BBX: variants seen among roughly 807,000 people sequenced by gnomAD.
BBX encodes the protein BBX high mobility group box domain containing.
BBX carries 30 observed loss-of-function variants against 100.2 expected under a neutral mutation model. That is an observed-to-expected ratio of 0.30 (90% CI 0.22 to 0.41). The LOEUF (loss-of-function observed/expected upper bound fraction) is 0.41. Ranked by LOEUF, BBX falls within the 10% of genes least tolerant of loss-of-function variation. BBX has a pLI of 1.00. For synonymous variants in BBX, 376 were observed against 388.1 expected, an observed-to-expected ratio of 0.97 and a Z score of 0.37; for missense variants, 1,023 against 1,129.8, an observed-to-expected ratio of 0.91 and a Z score of 1.35.
chr3:107,523,928 G>T (rs1208074906), intron 1 of BBX, among the ~76,000 whole-genome samples: 2 of 148,710 alleles, frequency 1.3e-5, no homozygotes, highest in Non-Finnish European at 3.0e-5. Flanking sequence ...CCTGGAGGAA[G>T]AATAGGGGGA....
chr3:107,763,477 C>G (rs148246330), intron 10 of BBX, among the ~76,000 whole-genome samples: 1 of 152,244 alleles, frequency 6.6e-6, no homozygotes, highest in East Asian at 1.9e-4. Context: ...TAAAATACAT[C>G]TGATTCAGAA....
intron 2 of BBX, among the ~76,000 whole-genome samples, chr3:107,598,023 A>G (rs2053785368): frequency 6.6e-6 from 1 of 152,154 alleles, no homozygotes; most frequent in South Asian, 2.1e-4. Context: ...GGTCAGTTTT[A>G]GGAGAGGGTA....
intron 3 of BBX, among the ~76,000 whole-genome samples, chr3:107,670,123 A>G (rs1041608126): frequency 6.6e-6 from 1 of 152,166 alleles, no homozygotes; most frequent in African/African-American, 2.4e-5. Context: ...TCTTATTCAC[A>G]GCATTTGAGG....
rs192766488 is a variant in BBX, at chr3:107,579,591, A to G, written c.-84+53193A>G. On this transcript the variant is annotated intron_variant, in intron 2 of 17. Coordinates refer to ENST00000325805, the MANE Select transcript of BBX (RefSeq NM_001142568.3). ...GAGAGCCTGGCGGGTCTTTTCACAC[A>G]GATGTTGATGGATGCTTTGCAGTCC... is the stretch of plus-strand genomic sequence containing the variant. 1.1e-4 allele frequency among the ~76,000 whole-genome samples: 17 copies of G among 152,338 alleles called. No individual in the cohort carries two copies. The East Asian group carries it at 3.3e-3, about 29-fold the overall frequency.
At chr3:107,709,692 GGT>G (rs1322998629) in intron 3 of BBX, among the ~76,000 whole-genome samples, 2 of 152,320 alleles carry the variant, frequency 1.3e-5, no homozygotes, top group African/African-American at 4.8e-5. Context: ...TCTGGACCAT[GGT>G]GCAGGACATG....
At chr3:107,574,479 G>A (rs1323201024) in intron 2 of BBX, among the ~76,000 whole-genome samples, 2 of 152,162 alleles carry the variant, frequency 1.3e-5, no homozygotes, top group African/African-American at 4.8e-5. Context: ...ATCTTTGAAT[G>A]TTATGAAGAA....
chr3:107,715,909 A>T (rs1201872258), intron 4 of BBX, among the ~76,000 whole-genome samples: 1 of 152,240 alleles, frequency 6.6e-6, no homozygotes, highest in South Asian at 2.1e-4. Flanking sequence ...TATTCCTATC[A>T]CCAGAGCATT....
chr3:107,619,704 T>C (rs993439224), intron 2 of BBX, among the ~76,000 whole-genome samples: 3 of 152,118 alleles, frequency 2.0e-5, no homozygotes, highest in African/African-American at 7.2e-5. Flanking sequence ...TGAAGGGTAT[T>C]TTCACTGGGT....
At chr3:107,581,946 G>T (rs1428380867) in intron 2 of BBX, among the ~76,000 whole-genome samples, 3 of 151,814 alleles carry the variant, frequency 2.0e-5, no homozygotes, top group Non-Finnish European at 2.9e-5. Flanking sequence ...ATCTGTAGTG[G>T]CATATTTGTA....
At position 107,755,481 on chromosome 3, in the gene BBX, G is replaced by T. The variant is rs1319629984; in HGVS notation, c.826-117G>T. On this transcript the variant is annotated intron_variant, in intron 9 of 17. Coordinates refer to ENST00000325805, the MANE Select transcript of BBX (RefSeq NM_001142568.3). ...CAAATGTGACATGTTTTGTTACTTG[G>T]TACATGGGAGCAATGATACTCTCGT... The T allele has an allele frequency of 4.9e-6, 4 of 813,162 alleles. No homozygotes were observed. The Admixed American group carries it at 6.0e-5, about 12-fold the overall frequency. 50.4% of individuals were successfully genotyped at this position (813,162 alleles called of 1,614,324 possible). A position where few individuals can be genotyped will look rare whatever the true frequency, so the allele number is the denominator to read the frequency against.
intron 2 of BBX, among the ~76,000 whole-genome samples, chr3:107,588,634 C>A (rs2053045366): frequency 6.6e-6 from 1 of 152,024 alleles, no homozygotes; most frequent in African/African-American, 2.4e-5. Flanking sequence ...CCTGAATTTC[C>A]CATTTCCAGT....
chr3:107,566,793 T>A (rs1387926248), intron 2 of BBX, among the ~76,000 whole-genome samples: 1 of 152,080 alleles, frequency 6.6e-6, no homozygotes, highest in African/African-American at 2.4e-5. Context: ...ATGTATTTAT[T>A]ACATTCTTTT....
chr3:107,531,639 C>T (rs2048168478), intron 2 of BBX, among the ~76,000 whole-genome samples: 2 of 151,314 alleles, frequency 1.3e-5, no homozygotes, highest in South Asian at 4.2e-4. Flanking sequence ...ATGTTTTTAA[C>T]TAGACATGAG....
intron 2 of BBX, among the ~76,000 whole-genome samples, chr3:107,564,269 A>G (rs1440442040): frequency 6.6e-6 from 1 of 151,990 alleles, no homozygotes; most frequent in Non-Finnish European, 1.5e-5. Context: ...AGCTTTACAT[A>G]TATAGTCTGT....
intron 2 of BBX, among the ~76,000 whole-genome samples, chr3:107,623,911 G>C (rs2107699845): frequency 6.6e-6 from 1 of 152,306 alleles, no homozygotes; most frequent in East Asian, 1.9e-4. Flanking sequence ...CTGTAAAGCA[G>C]ATGTAGAGTA....
chr3:107,733,152 C>G (rs1415026353), intron 7 of BBX, 129 bp downstream of exon 7: 5 of 775,782 alleles, frequency 6.4e-6, no homozygotes, highest in Non-Finnish European at 1.0e-5. Context: ...TAATCTTTCT[C>G]TTTAAGATCT....
intron 3 of BBX, among the ~76,000 whole-genome samples, chr3:107,674,397 A>C (rs1017157113): frequency 3.3e-5 from 5 of 152,158 alleles, no homozygotes; most frequent in African/African-American, 7.2e-5. Flanking sequence ...GTAACATAAA[A>C]AGACCTCCTT....
At chr3:107,677,487 C>G (rs776993687) in intron 3 of BBX, 31 of 152,066 alleles carry the variant, frequency 2.0e-4, no homozygotes, top group Non-Finnish European at 4.1e-4. Context: ...TGAAAATATC[C>G]TGTCAAAAAA....
chr3:107,713,039 A>T (rs1317881423), intron 4 of BBX, among the ~76,000 whole-genome samples: 1 of 152,176 alleles, frequency 6.6e-6, no homozygotes, highest in Non-Finnish European at 1.5e-5. Context: ...CTTCAAATTC[A>T]GCCTGCCCAG....
Sources: gnomAD v4.1 joint callset for allele counts (sites outside exome capture counted in the v4.1 genomes callset) on GRCh38, gnomAD v4.1.1 for gene constraint, MANE v1.5 for transcripts, NCBI Gene and HGNC (gene_info 2026-07-23, HGNC 2026-07-21) for gene names.